Variants in FAM117B observed in about 807,000 individuals in gnomAD.
FAM117B encodes protein FAM117B.
FAM117B carries 22 observed loss-of-function variants against 52.8 expected under a neutral mutation model. The ratio of observed to expected loss-of-function variants is 0.42; its 90% CI spans 0.30 to 0.59. FAM117B has a LOEUF of 0.59. FAM117B is among the 20% of genes least tolerant of loss of function. The pLI, the probability that FAM117B is intolerant of heterozygous loss-of-function variation, is 0.22. For missense variants in FAM117B, 678 were observed against 802.6 expected, an observed-to-expected ratio of 0.84 and a Z score of 1.88; for synonymous variants, 309 against 324.1, an observed-to-expected ratio of 0.95 and a Z score of 0.50.
chr2:202,733,408 C>T (rs1691388770), intron 4 of FAM117B, among the ~76,000 whole-genome samples: 1 of 152,076 alleles, frequency 6.6e-6, no homozygotes, highest in Non-Finnish European at 1.5e-5. Flanking sequence ...GGGATCTTTT[C>T]CCCACCCTAA....
At chr2:202,692,722 A>T (rs937616936) in intron 1 of FAM117B, among the ~76,000 whole-genome samples, 1 of 152,218 alleles carries the variant, frequency 6.6e-6, no homozygotes, top group East Asian at 1.9e-4. Context: ...TCACCCAGAC[A>T]AGAGATGCAC....
At chr2:202,640,638 G>C (rs1689757094) in intron 1 of FAM117B, among the ~76,000 whole-genome samples, 1 of 150,638 alleles carries the variant, frequency 6.6e-6, no homozygotes, top group Non-Finnish European at 1.5e-5. Context: ...TTTGGAGACT[G>C]GGTCTCTGTC....
intron 1 of FAM117B, among the ~76,000 whole-genome samples, chr2:202,681,219 C>A (rs1467408539): frequency 2.6e-5 from 4 of 151,768 alleles, no homozygotes; most frequent in African/African-American, 9.7e-5. Flanking sequence ...GATTACCAAC[C>A]AAACCAAGAT....
intron 1 of FAM117B, among the ~76,000 whole-genome samples, chr2:202,644,074 T>TTTTTTTTTTTTTG (rs1689820887): frequency 2.0e-5 from 3 of 146,672 alleles, no homozygotes; most frequent in East Asian, 3.9e-4. Context: ...GTTTTTTTTT[T>TTTTTTTTTTTTTG]TTTTTTTTTT....
At chr2:202,703,491 A>T (rs1197835074) in intron 2 of FAM117B, among the ~76,000 whole-genome samples, 1 of 152,128 alleles carries the variant, frequency 6.6e-6, no homozygotes, top group Non-Finnish European at 1.5e-5. Context: ...ATTAGCTAGG[A>T]CTATGGGCTT....
At chr2:202,640,823 G>GT (rs1689759901) in intron 1 of FAM117B, among the ~76,000 whole-genome samples, 2 of 151,972 alleles carry the variant, frequency 1.3e-5, no homozygotes, top group Non-Finnish European at 2.9e-5. Context: ...GTTGCCCAGG[G>GT]TGCTCTCCAA....
intron 1 of FAM117B, 71 bp downstream of exon 1, chr2:202,635,859 G>C (rs1164036175): frequency 1.5e-6 from 2 of 1,326,522 alleles, no homozygotes; most frequent in African/African-American, 3.1e-5. Flanking sequence ...CGCTGCAATC[G>C]CGCGGGGACT....
intron 1 of FAM117B, among the ~76,000 whole-genome samples, chr2:202,672,374 G>T (rs1199797518): frequency 6.6e-6 from 1 of 152,026 alleles, no homozygotes; most frequent in African/African-American, 2.4e-5. Context: ...CACCACGCCT[G>T]GCTAATTTTT....
intron 4 of FAM117B, among the ~76,000 whole-genome samples, chr2:202,754,805 G>T (rs1321828231): frequency 1.4e-5 from 2 of 142,324 alleles, no homozygotes; most frequent in African/African-American, 2.6e-5. Flanking sequence ...CAGAAGAGTC[G>T]CTTGAACATG....
intron 1 of FAM117B, among the ~76,000 whole-genome samples, chr2:202,661,040 C>G (rs895448354): frequency 2.6e-5 from 4 of 152,252 alleles, no homozygotes; most frequent in Non-Finnish European, 4.4e-5. Context: ...CTGCCCACTC[C>G]TACTGTGCAG....
intron 1 of FAM117B, among the ~76,000 whole-genome samples, chr2:202,636,787 A>T (rs914077096): frequency 7.2e-5 from 11 of 152,258 alleles, no homozygotes; most frequent in Non-Finnish European, 1.6e-4. Context: ...TTCAGGAAAC[A>T]AATTCAGATG....
chr2:202,762,476 C>T (rs1404139662), intron 7 of FAM117B, among the ~76,000 whole-genome samples: 1 of 152,188 alleles, frequency 6.6e-6, no homozygotes, highest in Non-Finnish European at 1.5e-5. Context: ...TCCTTAGATT[C>T]TTACACATTA....
At chr2:202,713,045 T>C (rs527818758) in intron 2 of FAM117B, among the ~76,000 whole-genome samples, 2 of 152,362 alleles carry the variant, frequency 1.3e-5, no homozygotes, top group Admixed American at 6.5e-5. Flanking sequence ...ACTGGCCTCG[T>C]AGAATGAGTT....
chr2:202,686,384 G>T (rs1428927541), intron 1 of FAM117B, among the ~76,000 whole-genome samples: 3 of 152,208 alleles, frequency 2.0e-5, no homozygotes, highest in Admixed American at 2.0e-4. Context: ...ACTTACACTT[G>T]TCCTAAGATC....
intron 2 of FAM117B, among the ~76,000 whole-genome samples, chr2:202,721,798 T>C (rs945079930): frequency 1.3e-5 from 2 of 152,014 alleles, no homozygotes; most frequent in Non-Finnish European, 2.9e-5. Context: ...GAGGCCCAGC[T>C]AATTTTTTAC....
intron 1 of FAM117B, among the ~76,000 whole-genome samples, chr2:202,682,059 A>C (rs367650292): frequency 9.8e-5 from 15 of 152,340 alleles, no homozygotes; most frequent in African/African-American, 3.4e-4. Flanking sequence ...GCAGCTTCAG[A>C]GAGGATTCTG....
intron 2 of FAM117B, among the ~76,000 whole-genome samples, chr2:202,715,005 A>G (rs940038070): frequency 6.6e-6 from 1 of 152,156 alleles, no homozygotes; most frequent in Non-Finnish European, 1.5e-5. Context: ...TATTCCACAA[A>G]ACTGCCATTG....
intron 2 of FAM117B, among the ~76,000 whole-genome samples, chr2:202,715,211 A>AC (rs1269725841): frequency 1.4e-5 from 2 of 144,094 alleles, no homozygotes; most frequent in African/African-American, 2.7e-5. Context: ...GCGGGGGCTG[A>AC]CCCCACACCT....
intron 4 of FAM117B, among the ~76,000 whole-genome samples, chr2:202,736,443 C>T (rs1249125909): frequency 6.6e-6 from 1 of 151,942 alleles, no homozygotes; most frequent in Admixed American, 6.5e-5. Context: ...CAGGTGCTTA[C>T]TAATTTTTTT....
Sources: allele counts gnomAD v4.1 joint callset (sites outside exome capture counted in the v4.1 genomes callset), GRCh38; gene constraint gnomAD v4.1.1; transcripts MANE v1.5; gene names NCBI Gene and HGNC (gene_info 2026-07-23, HGNC 2026-07-21).